CNOT4: variants seen among roughly 807,000 people sequenced by gnomAD.
The protein encoded by CNOT4 is CCR4-associated factor 4.
In CNOT4, 8 loss-of-function variants were observed where a neutral mutation model predicts 73.8. The observed-to-expected ratio is 0.11, with a 90% CI of 0.06 to 0.20. The LOEUF (loss-of-function observed/expected upper bound fraction) is 0.20, where lower values mean the gene tolerates loss of function less well. Among genes scored for constraint, CNOT4 ranks in the 10% least tolerant of loss-of-function variants. CNOT4 has a pLI of 1.00. For synonymous variants in CNOT4, 293 were observed against 321.1 expected (o/e 0.91, Z 0.94); for missense variants, 564 against 883.4 (o/e 0.64, Z 4.58).
intron 1 of CNOT4, among the ~76,000 whole-genome samples, chr7:135,449,223 C>G (rs2129485805): frequency 6.6e-6 from 1 of 152,220 alleles, no homozygotes; most frequent in South Asian, 2.1e-4. Flanking sequence ...GTGACTACCT[C>G]TAAGGAAAGG....
chr7:135,423,560 C>T (rs1264065183), intron 2 of CNOT4, among the ~76,000 whole-genome samples: 2 of 151,998 alleles, frequency 1.3e-5, no homozygotes, highest in Admixed American at 1.3e-4. Flanking sequence ...TTATATTTCA[C>T]AACTTTTACT....
At chr7:135,424,941 C>T (rs1160537942) in intron 2 of CNOT4, among the ~76,000 whole-genome samples, 1 of 152,194 alleles carries the variant, frequency 6.6e-6, no homozygotes, top group African/African-American at 2.4e-5. Flanking sequence ...GTATAGTTGA[C>T]GCACTGCCTT....
chr7:135,396,977 T>A (rs1014099390), intron 8 of CNOT4, among the ~76,000 whole-genome samples: 2 of 152,134 alleles, frequency 1.3e-5, no homozygotes, highest in Non-Finnish European at 2.9e-5. Flanking sequence ...TCATGGTTTT[T>A]AAAATTAAAA....
intron 1 of CNOT4, among the ~76,000 whole-genome samples, chr7:135,470,457 A>G (rs1199764085): frequency 6.6e-6 from 1 of 151,996 alleles, no homozygotes; most frequent in African/African-American, 2.4e-5. Context: ...TATTCATAAT[A>G]GCCAAAACAG....
intron 1 of CNOT4, among the ~76,000 whole-genome samples, chr7:135,448,705 G>A (rs2129485789): frequency 6.6e-6 from 1 of 152,190 alleles, no homozygotes; most frequent in South Asian, 2.1e-4. Context: ...TACCATAATT[G>A]CAGAAGGAAG....
At position 135,495,492 on chromosome 7, in the gene CNOT4, G is replaced by A. The variant is rs558459367; in HGVS notation, c.-93+14397C>T. 8.6e-5 allele frequency among the ~76,000 whole-genome samples: 11 copies of A among 127,566 alleles called. No individual in the cohort carries two copies. In the East Asian group the frequency reaches 1.4e-3, roughly 16 times the overall value. 83.7% of individuals were successfully genotyped at this position (127,566 alleles called of 152,430 possible). ...TGCACTCCAGCCTGGGAGACAGAGC[G>A]AGACTCTGCCTCAAAAAAAAAAAAA... is the stretch of plus-strand genomic sequence containing the variant. On this transcript the variant is annotated intron_variant, in intron 1 of 11. Coordinates refer to ENST00000541284, the MANE Select transcript of CNOT4 (RefSeq NM_001190850.2).
intron 2 of CNOT4, among the ~76,000 whole-genome samples, chr7:135,429,384 C>T (rs1452873189): frequency 6.6e-6 from 1 of 152,126 alleles, no homozygotes; most frequent in Admixed American, 6.5e-5. Flanking sequence ...CCCATTTTCC[C>T]TCCTCCTCTA....
chr7:135,386,403 A>G (rs1170974443), intron 10 of CNOT4: 1 of 152,032 alleles, frequency 6.6e-6, no homozygotes, highest in Non-Finnish European at 1.5e-5. Flanking sequence ...TCATGCAGGA[A>G]TTTAACAACA....
At chr7:135,450,785 T>C (rs939230262) in intron 1 of CNOT4, among the ~76,000 whole-genome samples, 30 of 152,224 alleles carry the variant, frequency 2.0e-4, no homozygotes, top group African/African-American at 7.0e-4. Flanking sequence ...AAATGTCTAT[T>C]GGGAGGGGAG....
chr7:135,394,478 ATCCATGCTAC>A, intron 9 of CNOT4, 63 bp from the exon 10 acceptor site: 1 of 1,325,370 alleles, frequency 7.5e-7, no homozygotes, highest in Non-Finnish European at 1.0e-6. Context: ...CTTAATAAGT[ATCCATGCTAC>A]TGAAAGTTAA....
At chr7:135,500,326 GAGAAACA>G (rs1803876289) in intron 1 of CNOT4, among the ~76,000 whole-genome samples, 1 of 152,102 alleles carries the variant, frequency 6.6e-6, no homozygotes, top group African/African-American at 2.4e-5. Context: ...TTTACAAAGC[GAGAAACA>G]AGAAACCTAC....
rs546581259 is a variant in CNOT4, at chr7:135,444,811, C to T, written c.-92-6388G>A. On this transcript the variant is annotated intron_variant, in intron 1 of 11. Coordinates refer to ENST00000541284, the MANE Select transcript of CNOT4 (RefSeq NM_001190850.2). Reference sequence around the variant, plus strand: ...ACTGACTATGTTCATGGGGATGCCTCGCAGAAAGCTGCCAAGGCAGGGCTT... The same window carrying T: ...ACTGACTATGTTCATGGGGATGCCTTGCAGAAAGCTGCCAAGGCAGGGCTT... The T allele has an allele frequency of 1.7e-4, 280 of 1,604,746 alleles. 3 individuals carry two copies. In the East Asian group the frequency reaches 5.7e-3, roughly 33 times the overall value.
chr7:135,385,971 C>T (rs1341902381), intron 10 of CNOT4, among the ~76,000 whole-genome samples: 1 of 151,924 alleles, frequency 6.6e-6, no homozygotes, highest in African/African-American at 2.4e-5. Context: ...AAAAGTAACA[C>T]ATGGAAAACC....
At chr7:135,368,971 A>G (rs943766646) in intron 10 of CNOT4, among the ~76,000 whole-genome samples, 1 of 152,172 alleles carries the variant, frequency 6.6e-6, no homozygotes, top group Non-Finnish European at 1.5e-5. Context: ...AAAATGTGGG[A>G]AAACCTGCTC....
Position 135,390,485 on chromosome 7 carries a change from A to G in CNOT4, c.1627+3433T>C, listed in dbSNP as rs192796519. On this transcript the variant is annotated intron_variant, in intron 10 of 11. Coordinates refer to ENST00000541284, the MANE Select transcript of CNOT4 (RefSeq NM_001190850.2). ...CTGAATGAATTTACTGTAACTGCCC[A>G]CGAATCAAAATTTCCCCCAAGAATA... Among the ~76,000 whole-genome samples, 6 of 152,254 alleles carry G rather than the reference A, an allele frequency of 3.9e-5. No individual in the cohort carries two copies. In the East Asian group the frequency reaches 1.2e-3, roughly 29 times the overall value.
At chr7:135,496,163 A>G (rs892919277) in intron 1 of CNOT4, among the ~76,000 whole-genome samples, 7 of 151,760 alleles carry the variant, frequency 4.6e-5, no homozygotes, top group African/African-American at 1.7e-4. Context: ...CGCAATCTCC[A>G]CTCACTGCAA....
intron 1 of CNOT4, among the ~76,000 whole-genome samples, chr7:135,438,761 G>C (rs1799303862): frequency 6.6e-6 from 1 of 152,058 alleles, no homozygotes; most frequent in Admixed American, 6.6e-5. Context: ...CTAAAACCTA[G>C]TAATATTGCC....
chr7:135,406,120 T>A (rs567904585), intron 7 of CNOT4, among the ~76,000 whole-genome samples: 10 of 152,082 alleles, frequency 6.6e-5, no homozygotes, highest in Non-Finnish European at 1.3e-4. Flanking sequence ...TACAAATTCA[T>A]CCCTACTACC....
At position 135,394,104 on chromosome 7, in the gene CNOT4, G is replaced by C. The variant is rs1796548759; in HGVS notation, c.1441C>G (p.Gln481Glu). 1 of 1,614,076 alleles carries C rather than the reference G, an allele frequency of 6.2e-7. No individual in the cohort carries two copies. Among genetic ancestry groups the C allele is most frequent in the Non-Finnish European group, 8.5e-7 (1 of 1,180,030 alleles). Reference sequence around the variant, plus strand: ...AATGAATTATAAACCGCTCGGTGCTGCTGAAATTGAGGGAACCTCTGGGGC... The same window carrying C: ...AATGAATTATAAACCGCTCGGTGCTCCTGAAATTGAGGGAACCTCTGGGGC... Reference protein sequence around the residue: ...VLPQRFPQFQQHRAVYNSFSF... With the variant: ...VLPQRFPQFQEHRAVYNSFSF... The change falls in exon 10 of 12, where the codon CAG becomes GAG. Residue 481 changes from glutamine to glutamate, a missense_variant. Around this residue, in one of 10 missense-constraint regions of CNOT4, gnomAD observed 153 missense variants for 158.7 expected, o/e 0.96. Coordinates refer to ENST00000541284, the MANE Select transcript of CNOT4 (RefSeq NM_001190850.2).
Sources: allele counts gnomAD v4.1 joint callset (sites outside exome capture counted in the v4.1 genomes callset), GRCh38; gene constraint gnomAD v4.1.1; regional missense constraint gnomAD v4.1.1; transcripts MANE v1.5; gene names NCBI Gene and HGNC (gene_info 2026-07-23, HGNC 2026-07-21).